The following CALCRL variants were observed in gnomAD, a reference collection of about 807,000 sequenced individuals.
CALCRL encodes the protein calcitonin gene-related peptide type 1 receptor.
In CALCRL, 27 loss-of-function variants were observed where a neutral mutation model predicts 60.4. That is an observed-to-expected ratio of 0.45 (90% confidence interval 0.33 to 0.62). The LOEUF (loss-of-function observed/expected upper bound fraction) is 0.62, where lower values mean the gene tolerates loss of function less well. Ranked by LOEUF, CALCRL falls within the 20% of genes least tolerant of loss-of-function variation. The probability of loss-of-function intolerance (pLI) is 0.03; values close to 1 mark genes in which losing one functional copy is unlikely to be tolerated. For missense variants in CALCRL, 424 were observed against 540.7 expected, an observed-to-expected ratio of 0.78 and a Z score of 2.14; for synonymous variants, 190 against 182.6, an observed-to-expected ratio of 1.04 and a Z score of -0.33.
chr2:187,392,317 A>G (rs1688480999), intron 1 of CALCRL, among the ~76,000 whole-genome samples: 1 of 152,142 alleles, frequency 6.6e-6, no homozygotes, highest in Non-Finnish European at 1.5e-5. Context: ...TCATTTATGT[A>G]TCCATTCACT....
At position 187,349,077 on chromosome 2, in the gene CALCRL, C is replaced by A. The variant is rs772945999; in HGVS notation, c.1171-2678G>T. 3.3e-5 allele frequency among the ~76,000 whole-genome samples: 5 copies of A among 151,596 alleles called. 1 individual carries two copies. Among genetic ancestry groups the A allele is most frequent in the Non-Finnish European group, 5.9e-5 (4 of 67,682 alleles). On this transcript the variant is annotated intron_variant, in intron 14 of 14. Transcript: ENST00000392370. ...TATTTACGAAACTTTTATAAAAATT[C>A]TACGTAGTTCTCATGAAAGAATTTG...
intron 12 of CALCRL, among the ~76,000 whole-genome samples, chr2:187,355,630 T>C (rs1426252485): frequency 6.6e-6 from 1 of 152,016 alleles, no homozygotes; most frequent in East Asian, 1.9e-4. Context: ...AAATATCACA[T>C]ACATACACAA....
rs199690185 is a variant in CALCRL, at chr2:187,411,913, G to A, written c.-292-24157C>T. ...CGGGAGGCTGAGGCAGGAGAATGGC[G>A]TGAACCTGGGAGGCGGAGCTTGCAG... On this transcript the variant is annotated intron_variant, in intron 1 of 14. Coordinates refer to ENST00000392370, the MANE Select transcript of CALCRL (RefSeq NM_005795.6). Among the ~76,000 whole-genome samples the A allele has an allele frequency of 2.0e-3, 300 of 146,892 alleles. 3 individuals are homozygous for A. Among genetic ancestry groups the A allele is most frequent in the African/African-American group, 6.9e-3 (276 of 39,912 alleles).
chr2:187,354,082 A>G (rs1318679565), intron 12 of CALCRL, among the ~76,000 whole-genome samples: 1 of 152,042 alleles, frequency 6.6e-6, no homozygotes, highest in Non-Finnish European at 1.5e-5. Flanking sequence ...ATTTCCATTT[A>G]CTATAAGCAA....
At chr2:187,394,084 G>A (rs964393935) in intron 1 of CALCRL, among the ~76,000 whole-genome samples, 1 of 152,008 alleles carries the variant, frequency 6.6e-6, no homozygotes, top group African/African-American at 2.4e-5. Context: ...GAAAAGAAAG[G>A]GTGAAGGGTC....
chr2:187,387,905 A>G (rs1174721135), intron 1 of CALCRL, 149 bp from the exon 2 acceptor site: 4 of 356,122 alleles, frequency 1.1e-5, no homozygotes, highest in African/African-American at 2.1e-5. Context: ...TTTGCTTACA[A>G]TATATTTGGG....
intron 8 of CALCRL, among the ~76,000 whole-genome samples, chr2:187,370,493 T>G (rs1384282553): frequency 2.0e-5 from 3 of 152,164 alleles, no homozygotes; most frequent in Non-Finnish European, 4.4e-5. Context: ...CACATTTAAT[T>G]AGCTCAAACA....
chr2:187,388,171 A>G (rs144850162), intron 1 of CALCRL, among the ~76,000 whole-genome samples: 1 of 152,150 alleles, frequency 6.6e-6, no homozygotes, highest in African/African-American at 2.4e-5. Context: ...CTATAGTCAT[A>G]TAATTCCACA....
intron 1 of CALCRL, among the ~76,000 whole-genome samples, chr2:187,399,773 TA>T (rs1018365195): frequency 2.0e-5 from 3 of 151,400 alleles, no homozygotes; most frequent in Non-Finnish European, 3.0e-5. Flanking sequence ...TATTCAGCCA[TA>T]AAAAAGAATG....
chr2:187,441,816 T>C (rs558548410), intron 1 of CALCRL: 44 of 151,820 alleles, frequency 2.9e-4, no homozygotes, highest in African/African-American at 9.6e-4. Context: ...ATTGGGCCTA[T>C]GGTTTGGAAA....
intron 1 of CALCRL, among the ~76,000 whole-genome samples, chr2:187,430,799 G>C (rs1333319997): frequency 6.6e-6 from 1 of 152,026 alleles, no homozygotes; most frequent in African/African-American, 2.4e-5. Flanking sequence ...AATGTGAATA[G>C]AAAATAAGGA....
At chr2:187,412,657 TACTATTTTAAAACTTTTTAAAAA>T (rs1383121719) in intron 1 of CALCRL, among the ~76,000 whole-genome samples, 2 of 152,198 alleles carry the variant, frequency 1.3e-5, no homozygotes, top group Non-Finnish European at 2.9e-5. Flanking sequence ...CTGCTTGACA[TACTATTTTAAAACTTTTTAAAAA>T]AATAGCAGGT....
chr2:187,353,298 A>G (rs553875687), intron 12 of CALCRL, among the ~76,000 whole-genome samples: 1 of 152,002 alleles, frequency 6.6e-6, no homozygotes. Flanking sequence ...GCTAATTGCT[A>G]TTCTCTTTTC....
intron 1 of CALCRL, among the ~76,000 whole-genome samples, chr2:187,430,505 C>A (rs1182651608): frequency 6.6e-6 from 1 of 152,070 alleles, no homozygotes; most frequent in Non-Finnish European, 1.5e-5. Context: ...TGAGGTGTAA[C>A]ATTAATTGCA....
chr2:187,406,107 G>C (rs1363910304), intron 1 of CALCRL, among the ~76,000 whole-genome samples: 1 of 149,798 alleles, frequency 6.7e-6, no homozygotes, highest in Admixed American at 6.8e-5. Context: ...ACCTCACTCA[G>C]AATGACTTGT....
At chr2:187,407,359 G>C (rs1439416964) in intron 1 of CALCRL, among the ~76,000 whole-genome samples, 2 of 152,042 alleles carry the variant, frequency 1.3e-5, no homozygotes, top group African/African-American at 2.4e-5. Context: ...GACTGGTTAA[G>C]ATAATTTGTT....
At chr2:187,379,783 C>T (rs1489965898) in intron 7 of CALCRL, among the ~76,000 whole-genome samples, 2 of 152,152 alleles carry the variant, frequency 1.3e-5, no homozygotes, top group African/African-American at 2.4e-5. Flanking sequence ...TTCTTACCCT[C>T]ATTTCATATA....
At chr2:187,360,536 C>G in intron 10 of CALCRL, 62 bp downstream of exon 10, 1 of 1,395,898 alleles carries the variant, frequency 7.2e-7, no homozygotes, top group Non-Finnish European at 9.7e-7. Context: ...ACAAAGGAAC[C>G]TGGCATCCTC....
chr2:187,401,236 G>A (rs945441529), intron 1 of CALCRL, among the ~76,000 whole-genome samples: 1 of 151,550 alleles, frequency 6.6e-6, no homozygotes, highest in Non-Finnish European at 1.5e-5. Context: ...ACTTAATGCT[G>A]ATCATTTAGT....
Sources: gnomAD v4.1 joint callset for allele counts (sites outside exome capture counted in the v4.1 genomes callset) on GRCh38, gnomAD v4.1.1 for gene constraint, MANE v1.5 for transcripts, NCBI Gene and HGNC (gene_info 2026-07-23, HGNC 2026-07-21) for gene names.